Variants in GRIA3 observed in about 807,000 individuals in gnomAD.
GRIA3 encodes glutamate ionotropic receptor AMPA type subunit 3.
GRIA3 carries 3 observed loss-of-function variants against 63.0 expected under a neutral mutation model. That is an observed-to-expected ratio of 0.05 (90% CI 0.02 to 0.12). The LOEUF (loss-of-function observed/expected upper bound fraction) is 0.12. Ranked by LOEUF, GRIA3 falls within the 10% of genes least tolerant of loss-of-function variation. The pLI is 1.00. For missense variants in GRIA3, 347 were observed against 700.9 expected, an observed-to-expected ratio of 0.50 and a Z score of 5.70; for synonymous variants, 274 against 257.9, an observed-to-expected ratio of 1.06 and a Z score of -0.60.
rs146564460 is a variant in GRIA3 at position 123,476,191 on chromosome X, A to G, written c.2325-3872A>G. Among the ~76,000 whole-genome samples, 553 of 112,241 alleles carry G rather than the reference A, an allele frequency of 4.9e-3. 2 individuals are homozygous for G. Among genetic ancestry groups the G allele is most frequent in the South Asian group, 0.022 (59 of 2,689 alleles). On this transcript the variant is annotated intron_variant, in intron 13 of 15. Coordinates refer to ENST00000620443, the MANE Select transcript of GRIA3 (RefSeq NM_007325.5). ...GCCATATTCCCTGCCCTTGAGAAGCACACAGTGTAGTGGGAGACATAAGAC... is the reference window on the plus strand; with the variant it reads ...GCCATATTCCCTGCCCTTGAGAAGCGCACAGTGTAGTGGGAGACATAAGAC...
intron 2 of GRIA3, among the ~76,000 whole-genome samples, chrX:123,221,893 TTC>T (rs1005367014): frequency 2.7e-5 from 3 of 111,574 alleles, no homozygotes; most frequent in Non-Finnish European, 3.8e-5. Context: ...CCAAATCACA[TTC>T]TCTTTCTCCC....
At chrX:123,236,091 C>T (rs766029311) in intron 2 of GRIA3, among the ~76,000 whole-genome samples, 35 of 111,611 alleles carry the variant, frequency 3.1e-4, no homozygotes, top group Non-Finnish European at 4.9e-4. Context: ...AAGAAATACA[C>T]GTTTTATTTC....
intron 12 of GRIA3, among the ~76,000 whole-genome samples, chrX:123,441,931 T>C (rs1274487169): frequency 8.9e-6 from 1 of 112,293 alleles, no homozygotes; most frequent in Admixed American, 9.4e-5. Context: ...GCCAGATTCT[T>C]AAAAACACTT....
At chrX:123,256,083 GTACTTT>G (rs1357170422) in intron 3 of GRIA3, among the ~76,000 whole-genome samples, 2 of 111,068 alleles carry the variant, frequency 1.8e-5, no homozygotes, top group Admixed American at 9.6e-5. Context: ...CTCAGCAATC[GTACTTT>G]TACTACTACC....
chrX:123,313,296 G>C (rs909720437), intron 3 of GRIA3, among the ~76,000 whole-genome samples: 3 of 111,447 alleles, frequency 2.7e-5, no homozygotes, highest in African/African-American at 9.8e-5. Context: ...TTAAACCACA[G>C]TATTAAGTCA....
Position 123,405,031 on chromosome X carries a change from A to G in GRIA3, c.1500+117A>G, listed in dbSNP as rs1055693517. On this transcript the variant is annotated intron_variant, in intron 10 of 15. Coordinates refer to ENST00000620443, the MANE Select transcript of GRIA3 (RefSeq NM_007325.5). Reference sequence around the variant, plus strand: ...CAATTGTATAGTTTACATATAGTCTACAAGAAAAATATATTCTTCTACAGT... The same window carrying G: ...CAATTGTATAGTTTACATATAGTCTGCAAGAAAAATATATTCTTCTACAGT... 6.8e-6 allele frequency: 4 copies of G among 587,484 alleles called. No individual in the cohort carries two copies. The African/African-American group carries it at 9.0e-5, about 13-fold the overall frequency. The allele number at this position is 587,484 out of a possible 1,213,427, so 48.4% of individuals were successfully genotyped here.
intron 3 of GRIA3, among the ~76,000 whole-genome samples, chrX:123,261,373 A>C (rs1356611255): frequency 8.9e-6 from 1 of 111,745 alleles, no homozygotes; most frequent in African/African-American, 3.3e-5. Flanking sequence ...TGTTTACTGT[A>C]ATATTTCCAG....
intron 12 of GRIA3, 35 bp downstream of exon 12, chrX:123,428,174 T>C (rs2045599979): frequency 3.2e-6 from 3 of 949,048 alleles, no homozygotes; most frequent in East Asian, 6.1e-5. Context: ...CCTGCTGATA[T>C]TTATTTTATC....
chrX:123,218,554 G>C (rs1928217459), intron 2 of GRIA3, among the ~76,000 whole-genome samples: 1 of 111,157 alleles, frequency 9.0e-6, no homozygotes, highest in Non-Finnish European at 1.9e-5. Flanking sequence ...CCGCCTCCCA[G>C]GTTCACGCCA....
At chrX:123,362,069 A>C (rs1420055087) in intron 5 of GRIA3, among the ~76,000 whole-genome samples, 1 of 111,971 alleles carries the variant, frequency 8.9e-6, no homozygotes, top group East Asian at 2.8e-4. Context: ...GGTAACAAAC[A>C]ATGAACCAGC....
chrX:123,251,684 T>C (rs1367259846), intron 2 of GRIA3, among the ~76,000 whole-genome samples: 3 of 111,805 alleles, frequency 2.7e-5, no homozygotes, highest in Non-Finnish European at 3.8e-5. Flanking sequence ...TCTGCCTGCC[T>C]TGGCCTCCCA....
chrX:123,194,859 G>A (rs919595436), intron 2 of GRIA3, among the ~76,000 whole-genome samples: 4 of 112,392 alleles, frequency 3.6e-5, no homozygotes, highest in African/African-American at 1.3e-4. Flanking sequence ...ACTTCTCTAT[G>A]TAACTGAGGT....
intron 2 of GRIA3, among the ~76,000 whole-genome samples, chrX:123,236,214 G>A (rs998210759): frequency 9.0e-6 from 1 of 111,539 alleles, no homozygotes; most frequent in Admixed American, 9.5e-5. Flanking sequence ...ACACCAATCT[G>A]GAGCTGGGAC....
chrX:123,350,927 A>G (rs1360561446), intron 4 of GRIA3, among the ~76,000 whole-genome samples: 1 of 112,178 alleles, frequency 8.9e-6, no homozygotes, highest in Non-Finnish European at 1.9e-5. Flanking sequence ...CCCTTATTAC[A>G]TTTAATATAT....
At chrX:123,255,771 A>T (rs1448028757) in intron 3 of GRIA3, among the ~76,000 whole-genome samples, 2 of 109,617 alleles carry the variant, frequency 1.8e-5, no homozygotes, top group African/African-American at 6.6e-5. Flanking sequence ...TATATTTTTC[A>T]CCTGCAGCCA....
In GRIA3 at chrX:123,184,599, C is replaced by A. The variant is rs746285416; in HGVS notation, c.64C>A (p.Leu22Ile). ...GGCGGTCTTCTTTTTAGTCCTGGGG[C>A]TTTTGGGTCATTCTCACGGAGGATT... ...LRAVFFLVLG[L>I]LGHSHGGFPN... The change falls in exon 1 of 16, where the codon CTT becomes ATT. Residue 22 changes from leucine (L) to isoleucine (I), a missense_variant. Leu to Ile is a conservative substitution (Grantham distance 5). Coordinates refer to ENST00000620443, the MANE Select transcript of GRIA3 (RefSeq NM_007325.5). 8.3e-7 allele frequency: 1 copy of A among 1,208,564 alleles called. No individual in the cohort carries two copies.
chrX:123,362,359 G>A (rs1368876863), intron 5 of GRIA3, among the ~76,000 whole-genome samples: 1 of 111,515 alleles, frequency 9.0e-6, no homozygotes, highest in Admixed American at 9.6e-5. Context: ...GCCAGAGAAG[G>A]CCTTTCAGAA....
At chrX:123,435,194 C>G (rs1467675703) in intron 12 of GRIA3, among the ~76,000 whole-genome samples, 2 of 112,075 alleles carry the variant, frequency 1.8e-5, no homozygotes, top group African/African-American at 6.5e-5. Flanking sequence ...GGGCCAATCT[C>G]TGGGTATGCT....
intron 2 of GRIA3, among the ~76,000 whole-genome samples, chrX:123,196,197 T>C (rs766694626): frequency 9.9e-5 from 11 of 111,549 alleles, no homozygotes; most frequent in African/African-American, 3.6e-4. Context: ...CCATATACTC[T>C]GAGAAAGAGG....
Sources: allele counts gnomAD v4.1 joint callset (sites outside exome capture counted in the v4.1 genomes callset), GRCh38; gene constraint gnomAD v4.1.1; transcripts MANE v1.5; gene names NCBI Gene and HGNC (gene_info 2026-07-23, HGNC 2026-07-21).